MYL9: variants seen among roughly 807,000 people sequenced by gnomAD.
The protein encoded by MYL9 is myosin light chain 9, also known as myosin regulatory light polypeptide 9.
Under a neutral mutation model 12.8 loss-of-function variants are expected in MYL9, and 7 were observed. That is an observed-to-expected ratio of 0.55 (90% CI 0.31 to 1.03). The LOEUF (loss-of-function observed/expected upper bound fraction) is 1.03. Ranked by LOEUF, MYL9 falls within the 50% of genes least tolerant of loss-of-function variation. The pLI, the probability that MYL9 is intolerant of heterozygous loss-of-function variation, is 0.05. For missense variants in MYL9, 190 were observed against 242.7 expected (o/e 0.78, Z 1.44); for synonymous variants, 81 against 87.8 (o/e 0.92, Z 0.43).
Position 36,548,133 on chromosome 20 carries a change from G to T in MYL9, c.286G>T (p.Gly96Cys), listed in dbSNP as rs761250357. Reference protein sequence around the residue: ...FLTMFGEKLNGTDPEDVIRNA... With the variant: ...FLTMFGEKLNCTDPEDVIRNA... Reference sequence around the variant, plus strand: ...CACCATGTTTGGGGAGAAGCTGAACGGCACGGACCCCGAGGATGTGATTCG... The same window carrying T: ...CACCATGTTTGGGGAGAAGCTGAACTGCACGGACCCCGAGGATGTGATTCG... The change falls in exon 3 of 4, where the codon GGC becomes TGC. Residue 96 changes from glycine (G) to cysteine (C), a missense_variant. Transcript: ENST00000279022. 1 of 1,613,836 alleles carries T rather than the reference G, an allele frequency of 6.2e-7. No individual in the cohort carries two copies. Among genetic ancestry groups the T allele is most frequent in the African/African-American group, 1.3e-5 (1 of 74,904 alleles).
intron 2 of MYL9, among the ~76,000 whole-genome samples, chr20:36,547,281 A>T (rs2038112332): frequency 1.3e-5 from 2 of 152,242 alleles, no homozygotes; most frequent in Admixed American, 1.3e-4. Context: ...ATTATCTTAA[A>T]TCTCAAAGCA....
intron 3 of MYL9, 85 bp from the exon 4 acceptor site, chr20:36,548,992 G>C: frequency 7.3e-7 from 1 of 1,377,270 alleles, no homozygotes; most frequent in Non-Finnish European, 1.0e-6. Flanking sequence ...AGGTCTGCAA[G>C]AGCTGCCAGG....
chr20:36,549,400 G>A lies in MYL9; in HGVS notation c.*151G>A, dbSNP rs1379380380. On this transcript the variant is annotated 3_prime_UTR_variant, in exon 4 of 4. Coordinates refer to ENST00000279022, the MANE Select transcript of MYL9 (RefSeq NM_006097.5). ...TCCCAGTGGAAGAAACAGGCCAGGA[G>A]AAGTGCGTGCCGAGCTGAGGCAGAT... 5.7e-6 allele frequency: 4 copies of A among 697,156 alleles called. No homozygotes were observed. The highest frequency in any genetic ancestry group is 1.9e-5 in the South Asian group (1 of 52,952). 43.2% of individuals were successfully genotyped at this position (697,156 alleles called of 1,614,324 possible). A position where few individuals can be genotyped will look rare whatever the true frequency, so the allele number is the denominator to read the frequency against.
At chr20:36,545,132 A>G in intron 2 of MYL9, 64 bp downstream of exon 2, 1 of 1,562,402 alleles carries the variant, frequency 6.4e-7, no homozygotes. Flanking sequence ...AATCATTTAC[A>G]GGGCACCTCC....
At chr20:36,543,651 A>C (rs1404379222) in intron 1 of MYL9, among the ~76,000 whole-genome samples, 2 of 152,236 alleles carry the variant, frequency 1.3e-5, no homozygotes, top group African/African-American at 4.8e-5. Flanking sequence ...AGTTGCCTTC[A>C]TATAGTCATT....
intron 1 of MYL9, among the ~76,000 whole-genome samples, chr20:36,541,769 G>A (rs1600743248): frequency 6.6e-6 from 1 of 152,208 alleles, no homozygotes; most frequent in African/African-American, 2.4e-5. Flanking sequence ...GCCAGGGGCC[G>A]GGCAGCAGGA....
At chr20:36,547,600 G>A (rs1346773702) in intron 2 of MYL9, among the ~76,000 whole-genome samples, 1 of 152,218 alleles carries the variant, frequency 6.6e-6, no homozygotes, top group African/African-American at 2.4e-5. Context: ...CAAATGCCAG[G>A]TCTACTCAAG....
intron 3 of MYL9, among the ~76,000 whole-genome samples, chr20:36,548,631 A>C (rs2038132006): frequency 6.6e-6 from 1 of 152,152 alleles, no homozygotes; most frequent in Non-Finnish European, 1.5e-5. Flanking sequence ...CCCTCACTGC[A>C]ATGGCATACG....
chr20:36,544,947 T>C lies in MYL9; in HGVS notation c.63T>C (p.Asn21=). Residue 21 remains asparagine, a synonymous_variant, in exon 2 of 4, where the codon AAT becomes AAC. Transcript: ENST00000279022. The part of the protein sequence containing the change: ...TKKRPQRATS[N]VFAMFDQSQI... ...AGCGGCCACAGCGGGCCACATCCAATGTCTTCGCAATGTTTGACCAGTCCC... is the reference window on the plus strand; with the variant it reads ...AGCGGCCACAGCGGGCCACATCCAACGTCTTCGCAATGTTTGACCAGTCCC... 3.1e-6 allele frequency: 5 copies of C among 1,606,636 alleles called. No individual in the cohort carries two copies. The highest frequency in any genetic ancestry group is 4.2e-6 in the Non-Finnish European group (5 of 1,176,696).
At chr20:36,548,226 CAAGTG>C in intron 3 of MYL9, 33 bp downstream of exon 3, 1 of 1,579,266 alleles carries the variant, frequency 6.3e-7, no homozygotes, top group South Asian at 1.2e-5. Context: ...ACTCTGCATG[CAAGTG>C]GAACAGGGCC....
chr20:36,546,577 C>A (rs2038102917), intron 2 of MYL9, among the ~76,000 whole-genome samples: 2 of 152,112 alleles, frequency 1.3e-5, no homozygotes, highest in African/African-American at 2.4e-5. Context: ...AAGGCTCCCT[C>A]CCCCAGGAGG....
rs1270502876 is a variant in MYL9, at chr20:36,545,079, A to C, written c.184+11A>C. The C allele has an allele frequency of 6.2e-7, 1 of 1,613,054 alleles. No individual in the cohort carries two copies. The highest frequency in any genetic ancestry group is 2.2e-5 in the East Asian group (1 of 44,872). ...TGCTGGCCTCGCTGGGTGAGCTGGGACAGGGACAGGGGTGAGATGGATGAG... is the reference window on the plus strand; with the variant it reads ...TGCTGGCCTCGCTGGGTGAGCTGGGCCAGGGACAGGGGTGAGATGGATGAG... On this transcript the variant is annotated intron_variant, in intron 2 of 3. Coordinates refer to ENST00000279022, the MANE Select transcript of MYL9 (RefSeq NM_006097.5).
rs78968147 is a variant in MYL9, at chr20:36,547,476, T to C, written c.185-556T>C. Among the ~76,000 whole-genome samples, 48 of 152,328 alleles carry C rather than the reference T, an allele frequency of 3.2e-4. 1 individual carries two copies. In the East Asian group the frequency reaches 8.9e-3, roughly 28 times the overall value. On this transcript the variant is annotated intron_variant, in intron 2 of 3. Coordinates refer to ENST00000279022, the MANE Select transcript of MYL9 (RefSeq NM_006097.5). ...TTATGAGCCTTTTGCAACTACTGTCTTCACAATTCCCCTAAGAGATGGGGA... is the reference window on the plus strand; with the variant it reads ...TTATGAGCCTTTTGCAACTACTGTCCTCACAATTCCCCTAAGAGATGGGGA...
At chr20:36,542,483 G>A (rs931356736) in intron 1 of MYL9, among the ~76,000 whole-genome samples, 1 of 152,138 alleles carries the variant, frequency 6.6e-6, no homozygotes, top group African/African-American at 2.4e-5. Context: ...AGGGGGAAGC[G>A]ATGGCCTCAG....
Position 36,549,214 on chromosome 20 carries a change from A to G in MYL9, c.484A>G (p.Ile162Val), listed in dbSNP as rs778551469. Residue 162 changes from isoleucine (I) to valine (V), a missense_variant, in exon 4 of 4, where the codon ATC becomes GTC. Ile to Val is a conservative substitution (Grantham distance 29). Transcript: ENST00000279022. Reference protein sequence around the residue: ...GNFNYVEFTRILKHGAKDKDD With the variant: ...GNFNYVEFTRVLKHGAKDKDD ...CTTCAACTACGTGGAGTTCACCCGCATCCTCAAACATGGCGCCAAGGATAA... is the reference window on the plus strand; with the variant it reads ...CTTCAACTACGTGGAGTTCACCCGCGTCCTCAAACATGGCGCCAAGGATAA... 5.0e-6 allele frequency: 8 copies of G among 1,613,858 alleles called. No homozygotes were observed. The highest frequency in any genetic ancestry group is 6.8e-6 in the Non-Finnish European group (8 of 1,179,946).
At chr20:36,547,959 A>T (rs918740522) in intron 2 of MYL9, 73 bp from the exon 3 acceptor site, 56 of 1,485,314 alleles carry the variant, frequency 3.8e-5, no homozygotes, top group Non-Finnish European at 4.9e-5. Flanking sequence ...GGGGTGGGGG[A>T]CGGGGGTGCA....
chr20:36,545,226 G>A (rs548151013), intron 2 of MYL9, among the ~76,000 whole-genome samples, 158 bp downstream of exon 2: 18 of 152,046 alleles, frequency 1.2e-4, no homozygotes, highest in South Asian at 4.1e-4. Flanking sequence ...GGCCGGGCGC[G>A]GTGGCTCACG....
chr20:36,548,518 G>A (rs1003314377), intron 3 of MYL9, among the ~76,000 whole-genome samples: 7 of 152,194 alleles, frequency 4.6e-5, no homozygotes, highest in Non-Finnish European at 8.8e-5. Context: ...ATCTCCTAAC[G>A]GATATTCCAT....
intron 1 of MYL9, among the ~76,000 whole-genome samples, chr20:36,542,360 C>T (rs1455998724): frequency 2.0e-5 from 3 of 152,178 alleles, no homozygotes; most frequent in African/African-American, 4.8e-5. Context: ...GTGCTGGCTT[C>T]AGCCCAGCCT....
Sources: allele counts gnomAD v4.1 joint callset (sites outside exome capture counted in the v4.1 genomes callset), GRCh38; gene constraint gnomAD v4.1.1; transcripts MANE v1.5; gene names NCBI Gene and HGNC (gene_info 2026-07-23, HGNC 2026-07-21).